ANKRD18A: variants seen among roughly 807,000 people sequenced by gnomAD.
ANKRD18A encodes the protein ankyrin repeat domain 18A.
ANKRD18A carries 72 observed loss-of-function variants against 110.6 expected under a neutral mutation model. That is an observed-to-expected ratio of 0.65 (90% CI 0.54 to 0.79). The LOEUF (loss-of-function observed/expected upper bound fraction) is 0.79. ANKRD18A is among the 30% of genes least tolerant of loss of function. The pLI is 0.00. For missense variants in ANKRD18A, 934 were observed against 1,163.3 expected (o/e 0.80, Z 2.87); for synonymous variants, 305 against 410.3 (o/e 0.74, Z 3.10).
chr9:38,576,314 A>T (rs1257812564), intron 14 of ANKRD18A, among the ~76,000 whole-genome samples: 1 of 152,202 alleles, frequency 6.6e-6, no homozygotes, highest in Admixed American at 6.5e-5. Context: ...GGGGAGAACT[A>T]GACTGGTTGG....
At chr9:38,596,502 A>C (rs1348458441) in intron 8 of ANKRD18A, 99 bp from the exon 9 acceptor site, 2 of 1,102,614 alleles carry the variant, frequency 1.8e-6, no homozygotes, top group African/African-American at 3.3e-5. Flanking sequence ...CATGCAATTA[A>C]AAGTTGCTGT....
downstream of ANKRD18A, among the ~76,000 whole-genome samples, chr9:38,570,203 A>G (rs552052852): frequency 1.1e-4 from 17 of 151,892 alleles, no homozygotes; most frequent in Admixed American, 5.2e-4. Context: ...CATGGACCAG[A>G]CCCCACTGAC....
At chr9:38,599,927 T>C (rs1374505888) in intron 8 of ANKRD18A, among the ~76,000 whole-genome samples, 1 of 152,238 alleles carries the variant, frequency 6.6e-6, no homozygotes, top group Non-Finnish European at 1.5e-5. Context: ...GTGCAGGTTT[T>C]AAAATTAACT....
chr9:38,587,688 A>G (rs1824445153), intron 11 of ANKRD18A, among the ~76,000 whole-genome samples: 1 of 152,256 alleles, frequency 6.6e-6, no homozygotes, highest in African/African-American at 2.4e-5. Context: ...TTACAAAAGG[A>G]AGAAAAGATG....
At chr9:38,587,040 C>T (rs184086077) in intron 11 of ANKRD18A, among the ~76,000 whole-genome samples, 74 of 151,960 alleles carry the variant, frequency 4.9e-4, no homozygotes, top group Non-Finnish European at 1.0e-4. Context: ...CCGTTGACCA[C>T]AGTCTATAAG....
chr9:38,577,916 T>A lies in ANKRD18A; in HGVS notation c.2480A>T (p.Asp827Val). 1 of 1,598,110 alleles carries A rather than the reference T, an allele frequency of 6.3e-7. No individual in the cohort carries two copies. Among genetic ancestry groups the A allele is most frequent in the Non-Finnish European group, 8.5e-7 (1 of 1,172,234 alleles). ...TTCTATTTCCTGCACTGCCCTTTCA[T>A]CCAGCTCCGATTTATATTCTTGTAG... ...GKLQEYKSEL[D>V]ERAVQEIEKL... The change falls in exon 13 of 16, where the codon GAT becomes GTT. Residue 827 changes from aspartate to valine, a missense_variant. Coordinates refer to ENST00000399703, the MANE Select transcript of ANKRD18A (RefSeq NM_147195.4).
At position 38,620,077 on chromosome 9, in the gene ANKRD18A, T is replaced by A; in HGVS notation, c.206+3A>T. ...CCCACCGCGGGCTGAGTCCCCGAGC[T>A]ACCTGTCTTTTCTGTCGCGGGCGTC... On this transcript the variant is annotated splice_donor_region_variant and intron_variant, in intron 1 of 15. Coordinates refer to ENST00000399703, the MANE Select transcript of ANKRD18A (RefSeq NM_147195.4). The A allele has an allele frequency of 6.4e-7, 1 of 1,550,778 alleles. No homozygotes were observed. Among genetic ancestry groups the A allele is most frequent in the Non-Finnish European group, 8.7e-7 (1 of 1,147,082 alleles).
intron 7 of ANKRD18A, 43 bp from the exon 8 acceptor site, chr9:38,601,247 C>A: frequency 6.7e-7 from 1 of 1,491,844 alleles, no homozygotes; most frequent in Non-Finnish European, 9.1e-7. Flanking sequence ...GATTTAAAGA[C>A]TATAATCTTT....
chr9:38,602,614 G>A (rs1185360298), intron 7 of ANKRD18A, among the ~76,000 whole-genome samples: 1 of 152,184 alleles, frequency 6.6e-6, no homozygotes, highest in Non-Finnish European at 1.5e-5. Flanking sequence ...AAACAAATTA[G>A]AAAAGCATAA....
rs188873156 is a variant in ANKRD18A, at chr9:38,600,114, A to G, written c.936+1017T>C. ...TGGATTATAACTAAGAAGTAAAAAT[A>G]ATTTCCCTTGGCTTAATATAGGGGA... On this transcript the variant is annotated intron_variant, in intron 8 of 15. Coordinates refer to ENST00000399703, the MANE Select transcript of ANKRD18A (RefSeq NM_147195.4). 5.9e-3 allele frequency among the ~76,000 whole-genome samples: 897 copies of G among 152,318 alleles called. 10 individuals carry two copies. Among genetic ancestry groups the G allele is most frequent in the African/African-American group, 0.02 (848 of 41,576 alleles).
At chr9:38,570,583 C>T (rs1283783054), downstream of ANKRD18A, among the ~76,000 whole-genome samples, 1 of 152,260 alleles carries the variant, frequency 6.6e-6, no homozygotes, top group Admixed American at 6.5e-5. Context: ...CAGGTCCCTG[C>T]TGATCAGGTC....
downstream of ANKRD18A, chr9:38,571,271 T>A: frequency 7.0e-7 from 1 of 1,419,362 alleles, no homozygotes; most frequent in Non-Finnish European, 9.2e-7. Flanking sequence ...GACAGAATAA[T>A]GGGGACAATT....
intron 12 of ANKRD18A, among the ~76,000 whole-genome samples, chr9:38,579,557 C>T (rs1014991470): frequency 6.6e-5 from 10 of 151,966 alleles, no homozygotes; most frequent in East Asian, 5.8e-4. Context: ...ATACAAATAG[C>T]GAACAAATAC....
chr9:38,586,249 A>G lies in ANKRD18A; in HGVS notation c.2181T>C (p.Ser727=), dbSNP rs767087514. 2 of 1,610,146 alleles carry G rather than the reference A, an allele frequency of 1.2e-6. No homozygotes were observed. Among genetic ancestry groups the G allele is most frequent in the Non-Finnish European group, 1.7e-6 (2 of 1,177,980 alleles). ...GGTCTGTATTTAAGTCTCCATGGCA[A>G]CTGAAGTCCTCATTTGCAAATGCAT... ...MLNAFANEDF[S]CHGDLNTDQL... Residue 727 remains serine (S), a synonymous_variant, in exon 12 of 16, where the codon AGT becomes AGC. Coordinates refer to ENST00000399703, the MANE Select transcript of ANKRD18A (RefSeq NM_147195.4).
At chr9:38,602,627 C>G (rs1379924923) in intron 7 of ANKRD18A, among the ~76,000 whole-genome samples, 1 of 152,156 alleles carries the variant, frequency 6.6e-6, no homozygotes, top group Non-Finnish European at 1.5e-5. Flanking sequence ...AAGCATAATT[C>G]CAAGAAAAAG....
chr9:38,608,732 A>G (rs1012588203), intron 5 of ANKRD18A, among the ~76,000 whole-genome samples: 3 of 147,584 alleles, frequency 2.0e-5, no homozygotes, highest in Non-Finnish European at 3.0e-5. Flanking sequence ...TAATATATAG[A>G]TTATATAATC....
In ANKRD18A at chr9:38,571,937, A is replaced by G. The variant is rs1391382829; in HGVS notation, c.*108T>C. 2 of 1,499,046 alleles carry G rather than the reference A, an allele frequency of 1.3e-6. No individual in the cohort carries two copies. The highest frequency in any genetic ancestry group is 1.4e-5 in the African/African-American group (1 of 69,488). The allele number at this position is 1,499,046 out of a possible 1,614,324, so 92.9% of individuals were successfully genotyped here. A position where few individuals can be genotyped will look rare whatever the true frequency, so the allele number is the denominator to read the frequency against. On this transcript the variant is annotated 3_prime_UTR_variant, in exon 16 of 16. Transcript: ENST00000399703. The stretch of plus-strand genomic sequence containing the variant: ...GTAAATAGCCCAGTAATAAAGTTTT[A>G]TGATCTTTTAAATCATACAACTTTT...
At chr9:38,612,084 A>G (rs1417880583) in intron 3 of ANKRD18A, among the ~76,000 whole-genome samples, 1 of 152,184 alleles carries the variant, frequency 6.6e-6, no homozygotes, top group East Asian at 1.9e-4. Context: ...CAAAGGGGCC[A>G]CTAAGGAAAT....
At chr9:38,599,613 C>A (rs1289287873) in intron 8 of ANKRD18A, among the ~76,000 whole-genome samples, 1 of 151,680 alleles carries the variant, frequency 6.6e-6, no homozygotes, top group African/African-American at 2.4e-5. Flanking sequence ...TACAGGCATG[C>A]ACCACCACAC....
Sources: gnomAD v4.1 joint callset for allele counts (sites outside exome capture counted in the v4.1 genomes callset) on GRCh38, gnomAD v4.1.1 for gene constraint, MANE v1.5 for transcripts, NCBI Gene and HGNC (gene_info 2026-07-23, HGNC 2026-07-21) for gene names.